CASK: variants seen among roughly 807,000 people sequenced by gnomAD.
CASK encodes peripheral plasma membrane protein CASK.
In CASK, 4 loss-of-function variants were observed where a neutral mutation model predicts 82.9. The ratio of observed to expected loss-of-function variants is 0.05; its 90% CI spans 0.02 to 0.11. CASK has a LOEUF of 0.11. CASK is among the 10% of genes least tolerant of loss of function. The probability of loss-of-function intolerance (pLI) is 1.00; values close to 1 mark genes in which losing one functional copy is unlikely to be tolerated. For missense variants in CASK, 358 were observed against 720.9 expected (o/e 0.50, Z 5.76); for synonymous variants, 259 against 253.5 (o/e 1.02, Z -0.20).
chrX:41,588,246 T>TTA (rs1443823174), intron 13 of CASK: 1 of 111,878 alleles, frequency 8.9e-6, no homozygotes, highest in Non-Finnish European at 1.9e-5. Flanking sequence ...AGTTTCTCTA[T>TTA]TAGTGAAATG....
chrX:41,516,944 G>A lies in CASK; in HGVS notation c.*3476C>T, dbSNP rs1172959063. The A allele has an allele frequency of 9.0e-6, 1 of 111,600 alleles. No homozygotes were observed. The highest frequency in any genetic ancestry group is 3.3e-5 in the African/African-American group (1 of 30,686). The allele number at this position is 111,600 out of a possible 1,213,427, so 9.2% of individuals were successfully genotyped here. On this transcript the variant is annotated 3_prime_UTR_variant, in exon 27 of 27. Transcript: ENST00000378163. ...CTTGTTTTTCAGGGGCAGTTTCCAC[G>A]CTGGGAATCTTCCTGGAGGGTGGTT...
chrX:41,660,941 T>C (rs979083735), intron 7 of CASK, among the ~76,000 whole-genome samples: 1 of 112,207 alleles, frequency 8.9e-6, no homozygotes, highest in African/African-American at 3.2e-5. Flanking sequence ...TTTTAAGATA[T>C]GTTTTAAAAA....
intron 12 of CASK, among the ~76,000 whole-genome samples, chrX:41,593,441 G>C (rs773937540): frequency 9.0e-6 from 1 of 111,469 alleles, no homozygotes; most frequent in South Asian, 3.8e-4. Flanking sequence ...CTAAAATGTG[G>C]GGTTCTATGT....
intron 1 of CASK, among the ~76,000 whole-genome samples, chrX:41,907,740 T>C (rs2072493205): frequency 9.0e-6 from 1 of 111,327 alleles, no homozygotes; most frequent in African/African-American, 3.3e-5. Context: ...ACTATTTCAA[T>C]GGCTTAGAAC....
chrX:41,614,624 C>T (rs1236502829), intron 11 of CASK, among the ~76,000 whole-genome samples: 1 of 108,856 alleles, frequency 9.2e-6, no homozygotes, highest in Admixed American at 9.8e-5. Flanking sequence ...CAGGTTCAAG[C>T]GATTCTCCTG....
At chrX:41,911,271 C>T (rs1447008161) in intron 1 of CASK, among the ~76,000 whole-genome samples, 1 of 112,037 alleles carries the variant, frequency 8.9e-6, no homozygotes, top group African/African-American at 3.2e-5. Context: ...GAACTAATAA[C>T]TCAGATGGAA....
At chrX:41,894,929 A>T (rs1276136916) in intron 1 of CASK, among the ~76,000 whole-genome samples, 1 of 112,174 alleles carries the variant, frequency 8.9e-6, no homozygotes, top group Non-Finnish European at 1.9e-5. Context: ...ATTTATGTAC[A>T]TTGGTTTTCA....
At chrX:41,611,581 T>C (rs1401107083) in intron 11 of CASK, among the ~76,000 whole-genome samples, 2 of 108,062 alleles carry the variant, frequency 1.9e-5, no homozygotes, top group African/African-American at 6.8e-5. Flanking sequence ...CTTCATGATA[T>C]AGAATTCAAG....
At chrX:41,811,802 T>TA (rs1211418472) in intron 2 of CASK, among the ~76,000 whole-genome samples, 1 of 111,565 alleles carries the variant, frequency 9.0e-6, no homozygotes. Context: ...ATCCAGGAGC[T>TA]GGTTTTTTGA....
At chrX:41,673,039 A>T in intron 5 of CASK, among the ~76,000 whole-genome samples, 1 of 112,160 alleles carries the variant, frequency 8.9e-6, no homozygotes, top group Admixed American at 9.4e-5. Flanking sequence ...ATGATACAGA[A>T]GAAAAAAGTG....
intron 7 of CASK, among the ~76,000 whole-genome samples, chrX:41,664,347 TGAA>T (rs1443142963): frequency 1.8e-5 from 2 of 111,957 alleles, no homozygotes; most frequent in Non-Finnish European, 3.8e-5. Context: ...ACCGAGGAAT[TGAA>T]GAGAAAACTT....
intron 6 of CASK, 116 bp downstream of exon 6, chrX:41,671,312 G>A (rs1270475231): frequency 3.8e-6 from 2 of 523,391 alleles, no homozygotes; most frequent in Non-Finnish European, 7.0e-6. Flanking sequence ...GGGAGTTGGG[G>A]TGGGGTGGAA....
intron 2 of CASK, among the ~76,000 whole-genome samples, chrX:41,848,999 CT>C (rs1374787928): frequency 1.8e-5 from 2 of 111,292 alleles, no homozygotes; most frequent in South Asian, 3.8e-4. Flanking sequence ...TCAGTTTTCT[CT>C]TTTTTTTAAA....
intron 1 of CASK, among the ~76,000 whole-genome samples, chrX:41,854,343 T>A (rs1234636875): frequency 8.9e-6 from 1 of 111,791 alleles, no homozygotes; most frequent in East Asian, 2.8e-4. Context: ...TATAGATTTG[T>A]GTGTGTGTGA....
At chrX:41,857,123 C>G (rs1157872536) in intron 1 of CASK, among the ~76,000 whole-genome samples, 1 of 111,298 alleles carries the variant, frequency 9.0e-6, no homozygotes, top group Non-Finnish European at 1.9e-5. Flanking sequence ...ACCTTCGGAG[C>G]TCTCTTAATC....
intron 1 of CASK, among the ~76,000 whole-genome samples, chrX:41,874,773 T>C (rs2071779432): frequency 1.8e-5 from 2 of 112,513 alleles, no homozygotes. Context: ...ATCATTCTTT[T>C]TGAAAGTGAT....
chrX:41,916,378 C>T (rs2072689354), intron 1 of CASK, among the ~76,000 whole-genome samples: 1 of 111,819 alleles, frequency 8.9e-6, no homozygotes, highest in South Asian at 3.8e-4. Flanking sequence ...GCTCTACAAC[C>T]AATACCATAG....
chrX:41,604,741 C>T (rs916495811), intron 12 of CASK, among the ~76,000 whole-genome samples: 2 of 112,103 alleles, frequency 1.8e-5, no homozygotes, highest in Non-Finnish European at 3.8e-5. Context: ...TAAATACAGG[C>T]ATACTGCAAC....
intron 5 of CASK, among the ~76,000 whole-genome samples, chrX:41,714,266 T>C (rs923780789): frequency 9.0e-6 from 1 of 111,695 alleles, no homozygotes; most frequent in African/African-American, 3.3e-5. Context: ...ATATTATGTC[T>C]GGGTGGGGAA....
Sources: gnomAD v4.1 joint callset for allele counts (sites outside exome capture counted in the v4.1 genomes callset) on GRCh38, gnomAD v4.1.1 for gene constraint, MANE v1.5 for transcripts, NCBI Gene and HGNC (gene_info 2026-07-23, HGNC 2026-07-21) for gene names.